EPHA6: variants seen among roughly 807,000 people sequenced by gnomAD.
EPHA6 encodes EPH receptor A6, also known as ephrin type-A receptor 6.
EPHA6 carries 50 observed loss-of-function variants against 112.0 expected under a neutral mutation model. The observed-to-expected ratio is 0.45, with a 90% CI of 0.36 to 0.56. The LOEUF (loss-of-function observed/expected upper bound fraction) is 0.56. EPHA6 is among the 20% of genes least tolerant of loss of function. EPHA6 has a pLI of 0.00. For missense variants in EPHA6, 1,280 were observed against 1,417.4 expected (o/e 0.90, Z 1.56); for synonymous variants, 529 against 490.7 (o/e 1.08, Z -1.03).
At chr3:97,437,835 C>T (rs1259747861) in intron 6 of EPHA6, among the ~76,000 whole-genome samples, 1 of 151,986 alleles carries the variant, frequency 6.6e-6, no homozygotes, top group Non-Finnish European at 1.5e-5. Context: ...ATTTTTTCCT[C>T]TCCATTTTCC....
intron 2 of EPHA6, among the ~76,000 whole-genome samples, chr3:96,867,847 A>C (rs1321707073): frequency 1.3e-5 from 2 of 151,918 alleles, no homozygotes; most frequent in East Asian, 1.9e-4. Flanking sequence ...GTTATTCACT[A>C]AGTGTGTATT....
rs549364391 is a variant in EPHA6, at chr3:97,615,416, G to A, written c.2574+4562G>A. 5.3e-5 allele frequency among the ~76,000 whole-genome samples: 8 copies of A among 152,218 alleles called. No individual in the cohort carries two copies. In the East Asian group the frequency reaches 1.6e-3, roughly 30 times the overall value. On this transcript the variant is annotated intron_variant, in intron 13 of 17. Coordinates refer to ENST00000389672, the MANE Select transcript of EPHA6 (RefSeq NM_001080448.3). Reference sequence around the variant, plus strand: ...AGTGACTCAGGCAAGGTGAAAAGTTGGACCTCCATACATAGCCCTGAAAAG... The same window carrying A: ...AGTGACTCAGGCAAGGTGAAAAGTTAGACCTCCATACATAGCCCTGAAAAG...
intron 2 of EPHA6, among the ~76,000 whole-genome samples, chr3:96,934,425 A>G (rs1486082132): frequency 6.6e-6 from 1 of 151,692 alleles, no homozygotes; most frequent in African/African-American, 2.4e-5. Flanking sequence ...ATAAGTGATC[A>G]TTTGTTTCCA....
At chr3:97,614,334 CTTT>C (rs11288058) in intron 13 of EPHA6, among the ~76,000 whole-genome samples, 35 of 124,730 alleles carry the variant, frequency 2.8e-4, no homozygotes, top group African/African-American at 1.0e-3. Context: ...GGTATACTTA[CTTT>C]TTTTTTTTTT....
chr3:96,817,369 C>T (rs1473247666), intron 1 of EPHA6, among the ~76,000 whole-genome samples: 2 of 151,608 alleles, frequency 1.3e-5, no homozygotes, highest in Non-Finnish European at 3.0e-5. Context: ...TTTCCTTACT[C>T]GTAGTTTCAT....
intron 11 of EPHA6, among the ~76,000 whole-genome samples, chr3:97,540,840 TA>T (rs1329582097): frequency 8.5e-5 from 13 of 152,112 alleles, no homozygotes; most frequent in African/African-American, 3.1e-4. Flanking sequence ...TTTCAAAGAA[TA>T]AAAAATCTCT....
At chr3:97,504,758 G>C (rs916396202) in intron 10 of EPHA6, among the ~76,000 whole-genome samples, 1 of 152,020 alleles carries the variant, frequency 6.6e-6, no homozygotes, top group Non-Finnish European at 1.5e-5. Flanking sequence ...TATTTCCTAA[G>C]CACAAAGTTT....
intron 11 of EPHA6, among the ~76,000 whole-genome samples, chr3:97,541,372 G>T (rs549605000): frequency 6.6e-6 from 1 of 152,128 alleles, no homozygotes; most frequent in African/African-American, 2.4e-5. Flanking sequence ...ATAATCATAA[G>T]ATTATTTTCA....
chr3:97,244,066 T>A lies in EPHA6; in HGVS notation c.1385T>A (p.Ile462Asn). 6.2e-7 allele frequency: 1 copy of A among 1,612,872 alleles called. No individual in the cohort carries two copies. The highest frequency in any genetic ancestry group is 8.5e-7 in the Non-Finnish European group (1 of 1,179,256). ...GGRKDLTYSVICKKCGLDTSQ... is the reference protein window; with the variant it reads ...GGRKDLTYSVNCKKCGLDTSQ... ...AGAAAAGATCTCACATACAGTGTAA[T>A]CTGTAAGAAATGTGGCTTAGACACC... The change falls in exon 5 of 18, where the codon ATC becomes AAC. Residue 462 changes from isoleucine to asparagine, a missense_variant. Ile to Asn is a moderately radical substitution (Grantham distance 149, BLOSUM62 -3). Around this residue, in one of 4 missense-constraint regions of EPHA6, gnomAD observed 878 missense variants for 999.7 expected, o/e 0.88. Transcript: ENST00000389672.
intron 5 of EPHA6, among the ~76,000 whole-genome samples, chr3:97,301,454 G>A (rs1262579324): frequency 6.6e-6 from 1 of 152,064 alleles, no homozygotes; most frequent in Admixed American, 6.6e-5. Flanking sequence ...TACCAATATA[G>A]ACTCATTTAT....
chr3:97,624,270 T>C (rs575628272), intron 13 of EPHA6, among the ~76,000 whole-genome samples: 1 of 151,810 alleles, frequency 6.6e-6, no homozygotes, highest in Non-Finnish European at 1.5e-5. Flanking sequence ...TTTTGTCAAA[T>C]GTTTTCTTCT....
At chr3:96,822,199 T>C (rs1485992650) in intron 1 of EPHA6, among the ~76,000 whole-genome samples, 1 of 151,978 alleles carries the variant, frequency 6.6e-6, no homozygotes, top group Non-Finnish European at 1.5e-5. Context: ...TTTAATGACA[T>C]CGTGGATGGA....
intron 1 of EPHA6, among the ~76,000 whole-genome samples, chr3:96,851,624 G>C (rs1304688719): frequency 1.3e-5 from 2 of 152,076 alleles, no homozygotes; most frequent in Non-Finnish European, 2.9e-5. Flanking sequence ...AAGGAGACCC[G>C]TTAAACTTGC....
At chr3:97,428,463 A>G (rs1036260491) in intron 6 of EPHA6, among the ~76,000 whole-genome samples, 9 of 152,218 alleles carry the variant, frequency 5.9e-5, no homozygotes, top group Non-Finnish European at 1.2e-4. Flanking sequence ...TGAAGCTTAT[A>G]TCATGGATCT....
At chr3:97,554,053 G>A (rs566825862) in intron 11 of EPHA6, among the ~76,000 whole-genome samples, 1 of 152,130 alleles carries the variant, frequency 6.6e-6, no homozygotes, top group Non-Finnish European at 1.5e-5. Context: ...ATTATTAACA[G>A]CAACAACTTA....
chr3:97,262,722 C>CT lies in EPHA6; in HGVS notation c.1606+18443dup, dbSNP rs764796368. Among the ~76,000 whole-genome samples, 23 of 152,032 alleles carry CT rather than the reference C, an allele frequency of 1.5e-4. 1 individual carries two copies. Among genetic ancestry groups the CT allele is most frequent in the Non-Finnish European group, 2.8e-4 (19 of 67,938 alleles). ...ACTCCTCATTTCATTCTCTGCCTTC[C>CT]TTTTTTTTAAATATCATTATCTGCC... is the stretch of plus-strand genomic sequence containing the variant. On this transcript the variant is annotated intron_variant, in intron 5 of 17. Transcript: ENST00000389672.
At chr3:96,967,098 C>G (rs1235501200) in intron 2 of EPHA6, among the ~76,000 whole-genome samples, 1 of 151,270 alleles carries the variant, frequency 6.6e-6, no homozygotes, top group Non-Finnish European at 1.5e-5. Context: ...ATTGATAATC[C>G]CCTCTTTGAA....
intron 3 of EPHA6, among the ~76,000 whole-genome samples, chr3:97,154,209 G>A (rs906038773): frequency 2.0e-5 from 3 of 151,300 alleles, no homozygotes; most frequent in African/African-American, 4.9e-5. Flanking sequence ...AACTATTAGG[G>A]CACTGATACA....
intron 5 of EPHA6, among the ~76,000 whole-genome samples, chr3:97,261,620 C>G (rs1489305667): frequency 1.3e-5 from 2 of 152,058 alleles, no homozygotes; most frequent in Non-Finnish European, 2.9e-5. Context: ...AAGTGACTTC[C>G]TACTTGACCT....
Sources: allele counts gnomAD v4.1 joint callset (sites outside exome capture counted in the v4.1 genomes callset), GRCh38; gene constraint gnomAD v4.1.1; regional missense constraint gnomAD v4.1.1; transcripts MANE v1.5; gene names NCBI Gene and HGNC (gene_info 2026-07-23, HGNC 2026-07-21).